Variants in ZKSCAN7 observed in about 807,000 individuals in gnomAD.
ZKSCAN7 encodes zinc finger protein with KRAB and SCAN domains 7.
A neutral mutation model predicts 65.3 loss-of-function variants in ZKSCAN7; 38 were observed. The observed-to-expected ratio is 0.58, with a 90% CI of 0.45 to 0.76. ZKSCAN7 has a LOEUF of 0.76. Among genes scored for constraint, ZKSCAN7 ranks in the 30% least tolerant of loss-of-function variants. ZKSCAN7 has a pLI of 0.00. For synonymous variants in ZKSCAN7, 321 were observed against 321.0 expected, an observed-to-expected ratio of 1.00 and a Z score of 0.00; for missense variants, 815 against 913.3, an observed-to-expected ratio of 0.89 and a Z score of 1.39.
At chr3:44,580,832 C>A in intron 5 of ZKSCAN7, 3 of 1,613,512 alleles carry the variant, frequency 1.9e-6, no homozygotes, top group Admixed American at 3.3e-5. Context: ...ATTTCGGAGA[C>A]CGGTGCACTG....
In ZKSCAN7 at chr3:44,580,501, C is replaced by G. The variant is rs889907576; in HGVS notation, c.812-2471C>G. The stretch of plus-strand genomic sequence containing the variant: ...CTGCTGCTGCTGCTGGTGGTAACAG[C>G]CACCTTGGCAGGCCCAGGCTCCTGC... On this transcript the variant is annotated intron_variant, in intron 5 of 5. Transcript: ENST00000341840. 1.4e-5 allele frequency: 22 copies of G among 1,610,304 alleles called. 1 individual carries two copies. In the Admixed American group the frequency reaches 3.7e-4, roughly 27 times the overall value.
chr3:44,556,230 G>A (rs1210918002), intron 1 of ZKSCAN7, among the ~76,000 whole-genome samples: 1 of 152,200 alleles, frequency 6.6e-6, no homozygotes, highest in Non-Finnish European at 1.5e-5. Flanking sequence ...GGTGAGTTGT[G>A]CATAAACCAG....
intron 5 of ZKSCAN7, chr3:44,582,914 G>A (rs1700118074): frequency 4.2e-5 from 4 of 96,292 alleles, no homozygotes; most frequent in Non-Finnish European, 7.4e-5. Flanking sequence ...ATTCGTGTGT[G>A]TGTGTGTGTG....
intron 2 of ZKSCAN7, among the ~76,000 whole-genome samples, chr3:44,558,232 G>T (rs900009565): frequency 6.6e-6 from 1 of 152,010 alleles, no homozygotes; most frequent in East Asian, 1.9e-4. Context: ...TGTGTAAAGA[G>T]ATTTATTGGT....
downstream of ZKSCAN7, among the ~76,000 whole-genome samples, chr3:44,572,718 G>A (rs1699841025): frequency 6.6e-6 from 1 of 151,234 alleles, no homozygotes; most frequent in Admixed American, 6.6e-5. Context: ...GGCGTGGTGG[G>A]GGGCGCCTGT....
intron 4 of ZKSCAN7, 66 bp from the exon 5 acceptor site, chr3:44,568,241 G>GT (rs1213329990): frequency 6.3e-7 from 1 of 1,580,284 alleles, no homozygotes; most frequent in Non-Finnish European, 8.6e-7. Flanking sequence ...TGTGCCCTTC[G>GT]TACCCCTGAT....
At chr3:44,562,889 G>T (rs907191635) in intron 2 of ZKSCAN7, among the ~76,000 whole-genome samples, 3 of 151,996 alleles carry the variant, frequency 2.0e-5, no homozygotes, top group Non-Finnish European at 4.4e-5. Context: ...AGAATGGCAT[G>T]AACCTGGGAG....
chr3:44,557,520 G>A, intron 2 of ZKSCAN7, 50 bp downstream of exon 2: 1 of 1,609,978 alleles, frequency 6.2e-7, no homozygotes, highest in African/African-American at 1.3e-5. Context: ...TAATGCTTGG[G>A]TTAGCCTAGG....
At chr3:44,575,187 TC>T (rs2125730557), downstream of ZKSCAN7, among the ~76,000 whole-genome samples, 1 of 152,316 alleles carries the variant, frequency 6.6e-6, no homozygotes, top group South Asian at 2.1e-4. Context: ...TCCTAGGTAT[TC>T]AGGAGACTGA....
At position 44,571,107 on chromosome 3, in the gene ZKSCAN7, A is replaced by G; in HGVS notation, c.1997A>G (p.Asn666Ser). 1.2e-6 allele frequency: 2 copies of G among 1,614,130 alleles called. No homozygotes were observed. Among genetic ancestry groups the G allele is most frequent in the Non-Finnish European group, 1.7e-6 (2 of 1,180,018 alleles). Reference protein sequence around the residue: ...IHTGEKPYECNECGKVFSYSS... With the variant: ...IHTGEKPYECSECGKVFSYSS... ...ACTGGTGAGAAACCCTATGAATGTA[A>G]TGAGTGTGGGAAGGTATTCAGTTAT... is the stretch of plus-strand genomic sequence containing the variant. The change falls in exon 6 of 6, where the codon AAT becomes AGT. Residue 666 changes from asparagine to serine, a missense_variant. Physicochemically the swap from Asn to Ser is conservative, Grantham distance 46. Coordinates refer to ENST00000426540, the MANE Select transcript of ZKSCAN7 (RefSeq NM_001288590.2).
At position 44,572,001 on chromosome 3, in the gene ZKSCAN7, A is replaced by C; in HGVS notation, c.*626A>C. On this transcript the variant is annotated 3_prime_UTR_variant, in exon 6 of 6. Coordinates refer to ENST00000426540, the MANE Select transcript of ZKSCAN7 (RefSeq NM_001288590.2). ...AGTGCTTTGAATTCACTGGTGCTACAATATGTAACTGTGGTTAATTGCCTT... is the reference window on the plus strand; with the variant it reads ...AGTGCTTTGAATTCACTGGTGCTACCATATGTAACTGTGGTTAATTGCCTT... 1 of 986,234 alleles carries C rather than the reference A, an allele frequency of 1.0e-6. No individual in the cohort carries two copies. Among genetic ancestry groups the C allele is most frequent in the Non-Finnish European group, 1.2e-6 (1 of 830,460 alleles). The allele number at this position is 986,234 out of a possible 1,614,324, so 61.1% of individuals were successfully genotyped here.
At chr3:44,565,689 G>T in intron 3 of ZKSCAN7, 34 bp downstream of exon 3, 1 of 1,534,914 alleles carries the variant, frequency 6.5e-7, no homozygotes, top group Non-Finnish European at 8.8e-7. Context: ...CTTAAGTCAT[G>T]CCTCCCTTCT....
downstream of ZKSCAN7, among the ~76,000 whole-genome samples, chr3:44,574,468 T>A (rs115236161): frequency 8.7e-3 from 1,333 of 152,348 alleles, 22 homozygotes; most frequent in African/African-American, 0.031. Context: ...TGTTGAGTAG[T>A]AGATAACAGG....
chr3:44,578,184 GCGATGCTGAGCTCTGTGT>G, intron 5 of ZKSCAN7: 2 of 1,520,002 alleles, frequency 1.3e-6, no homozygotes, highest in Non-Finnish European at 1.8e-6. Flanking sequence ...CTTAGCCTTT[GCGATGCTGAGCTCTGTGT>G]AGATGTCTTT....
chr3:44,581,311 G>C (rs1468327921), intron 5 of ZKSCAN7, among the ~76,000 whole-genome samples: 1 of 150,658 alleles, frequency 6.6e-6, no homozygotes, highest in African/African-American at 2.4e-5. Flanking sequence ...CGCCTCTCAA[G>C]CTCCGGTCGC....
At chr3:44,582,870 G>A (rs975794992) in intron 5 of ZKSCAN7, 1 of 382,214 alleles carries the variant, frequency 2.6e-6, no homozygotes, top group African/African-American at 2.1e-5. Context: ...GACTAAGTAA[G>A]TTAAAGATCA....
intron 5 of ZKSCAN7, chr3:44,578,348 C>T (rs973548703): frequency 6.2e-7 from 1 of 1,604,768 alleles, no homozygotes; most frequent in South Asian, 1.1e-5. Context: ...GGCATCCTTG[C>T]CCTGTGCAAG....
chr3:44,563,422 A>G (rs1699538902), intron 2 of ZKSCAN7, among the ~76,000 whole-genome samples: 1 of 152,198 alleles, frequency 6.6e-6, no homozygotes, highest in South Asian at 2.1e-4. Context: ...GTAATTTATG[A>G]AGAAAAGAGG....
chr3:44,576,965 C>CT (rs753251023), downstream of ZKSCAN7, among the ~76,000 whole-genome samples: 115 of 143,336 alleles, frequency 8.0e-4, no homozygotes, highest in South Asian at 1.1e-3. Context: ...GAAACAAAAT[C>CT]TTTTTTTTTT....
Sources: allele counts gnomAD v4.1 joint callset (sites outside exome capture counted in the v4.1 genomes callset), GRCh38; gene constraint gnomAD v4.1.1; transcripts MANE v1.5; gene names NCBI Gene and HGNC (gene_info 2026-07-23, HGNC 2026-07-21).